B3GLCT: variants seen among roughly 807,000 people sequenced by gnomAD.
B3GLCT encodes beta-1,3-glucosyltransferase.
A neutral mutation model predicts 63.4 loss-of-function variants in B3GLCT; 65 were observed. That is an observed-to-expected ratio of 1.03 (90% CI 0.84 to 1.26). The LOEUF is 1.26. Ranked by LOEUF, B3GLCT falls within the 50% of genes most tolerant of loss-of-function variation. B3GLCT has a pLI of 0.00. For missense variants in B3GLCT, 577 were observed against 604.8 expected (o/e 0.95, Z 0.48); for synonymous variants, 233 against 219.2 (o/e 1.06, Z -0.55).
chr13:31,266,629 A>T (rs1388490585), intron 7 of B3GLCT, among the ~76,000 whole-genome samples: 1 of 152,182 alleles, frequency 6.6e-6, no homozygotes, highest in Non-Finnish European at 1.5e-5. Flanking sequence ...CTGAGATGGC[A>T]CGTGAGGCTA....
chr13:31,211,946 C>T (rs543818610), intron 1 of B3GLCT, among the ~76,000 whole-genome samples: 10 of 152,090 alleles, frequency 6.6e-5, no homozygotes, highest in South Asian at 6.2e-4. Context: ...TGTCTGGCCT[C>T]GCAAAAAAGT....
intron 8 of B3GLCT, among the ~76,000 whole-genome samples, chr13:31,270,306 G>T (rs1348138666): frequency 6.6e-6 from 1 of 152,128 alleles, no homozygotes; most frequent in African/African-American, 2.4e-5. Context: ...GCCTTCCAGG[G>T]ACAAGAAGGC....
Position 31,274,564 on chromosome 13 carries a change from A to G in B3GLCT, c.716A>G (p.Glu239Gly), listed in dbSNP as rs367648804. Residue 239 changes from glutamate to glycine, a missense_variant, in exon 9 of 15, where the codon GAG (glutamate) becomes GGG (glycine). Transcript: ENST00000343307. ...GGACCTCCCCTGACCCCAGTGCCTGAGTTTTGTACCAATGACGTGGACTTC... is the reference window on the plus strand; with the variant it reads ...GGACCTCCCCTGACCCCAGTGCCTGGGTTTTGTACCAATGACGTGGACTTC... ...GGGPPLTPVP[E>G]FCTNDVDFYC... The G allele has an allele frequency of 4.3e-6, 7 of 1,614,042 alleles. No homozygotes were observed. The African/African-American group carries it at 9.3e-5, about 22-fold the overall frequency.
intron 12 of B3GLCT, among the ~76,000 whole-genome samples, chr13:31,300,659 T>C (rs906428051): frequency 1.3e-5 from 2 of 152,120 alleles, no homozygotes; most frequent in Admixed American, 1.3e-4. Flanking sequence ...GGTTGAGTCA[T>C]GAGTCATGGG....
intron 6 of B3GLCT, among the ~76,000 whole-genome samples, chr13:31,251,127 C>T (rs928247733): frequency 6.6e-6 from 1 of 152,168 alleles, no homozygotes; most frequent in Non-Finnish European, 1.5e-5. Flanking sequence ...GGGGACCAGA[C>T]TGTTAGAAGG....
chr13:31,304,199 A>T (rs1874326663), intron 12 of B3GLCT, among the ~76,000 whole-genome samples: 1 of 70,886 alleles, frequency 1.4e-5, no homozygotes, highest in Non-Finnish European at 2.7e-5. Context: ...GAAAGGAACA[A>T]CCGGTACCAG....
At chr13:31,282,305 A>C (rs1406532282) in intron 10 of B3GLCT, among the ~76,000 whole-genome samples, 2 of 152,192 alleles carry the variant, frequency 1.3e-5, no homozygotes, top group African/African-American at 2.4e-5. Flanking sequence ...TAAAGCCTTA[A>C]GCTGTTTTTT....
intron 7 of B3GLCT, among the ~76,000 whole-genome samples, chr13:31,268,964 A>G (rs1872455739): frequency 6.6e-6 from 1 of 152,106 alleles, no homozygotes; most frequent in South Asian, 2.1e-4. Context: ...AAGGCATTGT[A>G]TTGTATTGTA....
At chr13:31,263,103 A>G (rs879415044) in intron 7 of B3GLCT, among the ~76,000 whole-genome samples, 17 of 152,104 alleles carry the variant, frequency 1.1e-4, no homozygotes, top group Admixed American at 2.6e-4. Context: ...GCGGGGGTGT[A>G]ATCATTTCCT....
chr13:31,244,440 C>T (rs547980956), intron 4 of B3GLCT, among the ~76,000 whole-genome samples: 3 of 151,994 alleles, frequency 2.0e-5, no homozygotes, highest in Non-Finnish European at 2.9e-5. Flanking sequence ...TGCAGTGAGC[C>T]GAGATTGCGC....
intron 8 of B3GLCT, among the ~76,000 whole-genome samples, chr13:31,274,031 C>G (rs548327638): frequency 6.6e-6 from 1 of 152,126 alleles, no homozygotes; most frequent in Non-Finnish European, 1.5e-5. Context: ...CTTTTTTTCC[C>G]CAGGATCTCA....
intron 7 of B3GLCT, among the ~76,000 whole-genome samples, chr13:31,264,083 A>T (rs1872176032): frequency 6.6e-6 from 1 of 152,032 alleles, no homozygotes; most frequent in African/African-American, 2.4e-5. Flanking sequence ...AGAAGGGACG[A>T]GGGGTCTTTT....
chr13:31,263,606 A>G (rs1174404864), intron 7 of B3GLCT, among the ~76,000 whole-genome samples: 1 of 152,194 alleles, frequency 6.6e-6, no homozygotes, highest in Non-Finnish European at 1.5e-5. Context: ...CCAGGGGTTC[A>G]TGAACCAGGG....
At chr13:31,229,428 T>A in intron 4 of B3GLCT, 134 bp downstream of exon 4, 1 of 708,350 alleles carries the variant, frequency 1.4e-6, no homozygotes, top group South Asian at 1.6e-5. Flanking sequence ...TTTGCTTATT[T>A]AATATTGAGT....
rs148414389 is a variant in B3GLCT at position 31,263,229 on chromosome 13, C to T, written c.596+2147C>T. On this transcript the variant is annotated intron_variant, in intron 7 of 14. Transcript: ENST00000343307. The stretch of plus-strand genomic sequence containing the variant: ...CCTTCCTTCTTCCCATCACAATTTC[C>T]TGTCTTCCTTTAGCAAGACTTTCTT... Among the ~76,000 whole-genome samples the T allele has an allele frequency of 6.1e-3, 927 of 152,298 alleles. 9 individuals are homozygous for T. The highest frequency in any genetic ancestry group is 0.021 in the African/African-American group (877 of 41,574).
intron 12 of B3GLCT, among the ~76,000 whole-genome samples, chr13:31,289,552 T>C (rs1873535824): frequency 6.6e-6 from 1 of 152,122 alleles, no homozygotes; most frequent in South Asian, 2.1e-4. Flanking sequence ...GGACTAATAG[T>C]GGACTTTTCA....
chr13:31,264,445 G>C (rs1234584529), intron 7 of B3GLCT, among the ~76,000 whole-genome samples: 1 of 151,982 alleles, frequency 6.6e-6, no homozygotes, highest in Admixed American at 6.6e-5. Flanking sequence ...GATATCCATG[G>C]TCTTCTCCCT....
At chr13:31,243,272 G>A (rs991830092) in intron 4 of B3GLCT, among the ~76,000 whole-genome samples, 2 of 152,148 alleles carry the variant, frequency 1.3e-5, no homozygotes, top group Admixed American at 1.3e-4. Flanking sequence ...ATAAACCCAT[G>A]TACTTCTAGG....
At chr13:31,290,473 C>T (rs142288680) in intron 12 of B3GLCT, among the ~76,000 whole-genome samples, 8 of 152,342 alleles carry the variant, frequency 5.3e-5, no homozygotes, top group African/African-American at 1.9e-4. Context: ...AATTTACACT[C>T]CCACCAGCAG....
Sources: gnomAD v4.1 joint callset for allele counts (sites outside exome capture counted in the v4.1 genomes callset) on GRCh38, gnomAD v4.1.1 for gene constraint, MANE v1.5 for transcripts, NCBI Gene and HGNC (gene_info 2026-07-23, HGNC 2026-07-21) for gene names.